Variants in GABRA3 observed in about 807,000 individuals in gnomAD.
GABRA3 encodes gamma-aminobutyric acid receptor subunit alpha-3.
GABRA3 carries 10 observed loss-of-function variants against 30.1 expected under a neutral mutation model. The ratio of observed to expected loss-of-function variants is 0.33; its 90% confidence interval spans 0.20 to 0.56. The LOEUF is 0.56. GABRA3 is among the 20% of genes least tolerant of loss of function. GABRA3 has a pLI of 0.89. For missense variants in GABRA3, 233 were observed against 392.0 expected (o/e 0.59, Z 3.42); for synonymous variants, 151 against 146.8 (o/e 1.03, Z -0.21).
intron 4 of GABRA3, among the ~76,000 whole-genome samples, chrX:152,271,544 T>C (rs1938938492): frequency 8.9e-6 from 1 of 112,169 alleles, no homozygotes; most frequent in African/African-American, 3.2e-5. Context: ...TTGGAAAACG[T>C]TCAGCCTGAA....
intron 1 of GABRA3, among the ~76,000 whole-genome samples, chrX:152,383,017 G>A (rs1261173439): frequency 3.6e-5 from 4 of 111,136 alleles, no homozygotes; most frequent in Non-Finnish European, 7.5e-5. Context: ...ATCTTTTGTA[G>A]TATCATATAA....
chrX:152,214,809 C>T (rs1270145818), intron 6 of GABRA3, among the ~76,000 whole-genome samples: 1 of 102,279 alleles, frequency 9.8e-6, no homozygotes, highest in Admixed American at 1.0e-4. Context: ...TAAATTTATT[C>T]CTAGAATTTT....
intron 5 of GABRA3, among the ~76,000 whole-genome samples, chrX:152,231,284 C>CAT (rs36028964): frequency 0.15 from 15,315 of 104,344 alleles, 1,082 homozygotes; most frequent in South Asian, 0.33. Context: ...TATATGTATA[C>CAT]ATATACGTGT....
chrX:152,270,557 C>A (rs1233591977), intron 4 of GABRA3, among the ~76,000 whole-genome samples: 1 of 110,952 alleles, frequency 9.0e-6, no homozygotes, highest in African/African-American at 3.3e-5. Context: ...TTGGAGGGCT[C>A]AGAAGAAGTC....
chrX:152,423,355 T>C (rs897424107), intron 1 of GABRA3, among the ~76,000 whole-genome samples: 6 of 111,780 alleles, frequency 5.4e-5, no homozygotes, highest in African/African-American at 1.9e-4. Context: ...GAGGTAAAAA[T>C]AGAAAAAGAA....
intron 7 of GABRA3, among the ~76,000 whole-genome samples, chrX:152,200,432 T>C (rs954035167): frequency 2.7e-5 from 3 of 112,582 alleles, no homozygotes; most frequent in Admixed American, 9.4e-5. Context: ...AGTAGGCTTA[T>C]TTTTAATTTA....
chrX:152,430,654 GAA>G (rs1252507305), intron 1 of GABRA3, among the ~76,000 whole-genome samples: 2 of 111,268 alleles, frequency 1.8e-5, no homozygotes, highest in Non-Finnish European at 3.8e-5. Flanking sequence ...TTGCATCTAT[GAA>G]AAAAGGACAA....
At chrX:152,242,711 G>T (rs769984618) in intron 5 of GABRA3, among the ~76,000 whole-genome samples, 32 of 111,721 alleles carry the variant, frequency 2.9e-4, no homozygotes, top group African/African-American at 1.0e-3. Flanking sequence ...CACCTGTTAG[G>T]ATGGCTACTA....
intron 1 of GABRA3, among the ~76,000 whole-genome samples, chrX:152,391,826 C>T (rs1485095084): frequency 9.0e-6 from 1 of 111,580 alleles, no homozygotes; most frequent in East Asian, 2.8e-4. Flanking sequence ...CTAAGGTACA[C>T]AACCAGACAT....
At chrX:152,216,439 C>T (rs1429592563) in intron 6 of GABRA3, among the ~76,000 whole-genome samples, 2 of 87,782 alleles carry the variant, frequency 2.3e-5, no homozygotes, top group African/African-American at 9.4e-5. Context: ...CACACACACA[C>T]ACAATGGAAT....
At chrX:152,214,190 G>A (rs1050459978) in intron 6 of GABRA3, among the ~76,000 whole-genome samples, 7 of 111,471 alleles carry the variant, frequency 6.3e-5, no homozygotes, top group African/African-American at 2.0e-4. Context: ...GAGTTTATGA[G>A]CTATATCACT....
rs944254826 is a variant in GABRA3 at position 152,232,668 on chromosome X, C to T, written c.552-7823G>A. Among the ~76,000 whole-genome samples the T allele has an allele frequency of 9.4e-5, 10 of 106,923 alleles. 1 individual carries two copies. The South Asian group carries it at 3.6e-3, about 39-fold the overall frequency. The allele number at this position is 106,923 out of a possible 115,157, so 92.8% of individuals were successfully genotyped here. On this transcript the variant is annotated intron_variant, in intron 5 of 9. Transcript: ENST00000370314. Reference sequence around the variant, plus strand: ...ATATGTAACATTGTGTATATATATACAGCATTATATATATATACATATATA... The same window carrying T: ...ATATGTAACATTGTGTATATATATATAGCATTATATATATATACATATATA...
intron 3 of GABRA3, among the ~76,000 whole-genome samples, chrX:152,290,554 T>C (rs1339349416): frequency 8.9e-6 from 1 of 112,150 alleles, no homozygotes; most frequent in African/African-American, 3.2e-5. Flanking sequence ...TTTGTTGCCA[T>C]TGCTTTTGGT....
At chrX:152,182,629 T>C (rs1212320506) in intron 9 of GABRA3, among the ~76,000 whole-genome samples, 98 of 53,081 alleles carry the variant, frequency 1.8e-3, no homozygotes, top group South Asian at 3.2e-3. Flanking sequence ...ATAGTATATA[T>C]ACACTATATA....
At chrX:152,295,909 G>A (rs1472009234) in intron 3 of GABRA3, among the ~76,000 whole-genome samples, 1 of 111,874 alleles carries the variant, frequency 8.9e-6, no homozygotes, top group Non-Finnish European at 1.9e-5. Flanking sequence ...TCTGGCTCAG[G>A]TCAGATTTGT....
chrX:152,395,783 T>C (rs1037584482), intron 1 of GABRA3, among the ~76,000 whole-genome samples: 2 of 112,062 alleles, frequency 1.8e-5, no homozygotes, highest in Non-Finnish European at 3.8e-5. Context: ...ATGACTGATA[T>C]ATGAGCTAGT....
rs759779420 is a variant in GABRA3, at chrX:152,226,606, G to T, written c.552-1761C>A. ...CAGAGTGAACAGGCAACCTACAAAAGGGGAGAAAATTTTTGCAACCTACTC... is the reference window on the plus strand; with the variant it reads ...CAGAGTGAACAGGCAACCTACAAAATGGGAGAAAATTTTTGCAACCTACTC... On this transcript the variant is annotated intron_variant, in intron 5 of 9. Transcript: ENST00000370314. Among the ~76,000 whole-genome samples the T allele has an allele frequency of 2.9e-3, 326 of 111,196 alleles. 1 individual carries two copies. Among genetic ancestry groups the T allele is most frequent in the Non-Finnish European group, 4.6e-3 (243 of 52,939 alleles).
intron 1 of GABRA3, among the ~76,000 whole-genome samples, chrX:152,429,163 A>T (rs1930587136): frequency 9.0e-6 from 1 of 111,151 alleles, no homozygotes. Context: ...AAATTTAAAG[A>T]AGGAAATGCA....
chrX:152,282,910 ATGAG>A (rs780864080), intron 4 of GABRA3, among the ~76,000 whole-genome samples: 10 of 111,989 alleles, frequency 8.9e-5, no homozygotes, highest in African/African-American at 1.9e-4. Context: ...ATGAATGAAA[ATGAG>A]TGAGTGAGTG....
Sources: gnomAD v4.1 joint callset for allele counts (sites outside exome capture counted in the v4.1 genomes callset) on GRCh38, gnomAD v4.1.1 for gene constraint, MANE v1.5 for transcripts, NCBI Gene and HGNC (gene_info 2026-07-23, HGNC 2026-07-21) for gene names.